Variants in FSTL5 observed in about 807,000 individuals in gnomAD.
The protein encoded by FSTL5 is follistatin-related protein 5.
A neutral mutation model predicts 89.1 loss-of-function variants in FSTL5; 62 were observed. That is an observed-to-expected ratio of 0.70 (90% confidence interval 0.57 to 0.86). FSTL5 has a LOEUF of 0.86. FSTL5 is among the 40% of genes least tolerant of loss of function. FSTL5 has a pLI of 0.00. For missense variants in FSTL5, 1,057 were observed against 1,001.6 expected, an observed-to-expected ratio of 1.06 and a Z score of -0.75; for synonymous variants, 383 against 346.2, an observed-to-expected ratio of 1.11 and a Z score of -1.18.
At chr4:162,128,998 C>A (rs1415797860) in intron 1 of FSTL5, among the ~76,000 whole-genome samples, 1 of 149,456 alleles carries the variant, frequency 6.7e-6, no homozygotes, top group African/African-American at 2.5e-5. Flanking sequence ...CTGGGCGGCT[C>A]GCTGCAACCT....
At chr4:162,007,782 A>G (rs1483671704) in intron 3 of FSTL5, among the ~76,000 whole-genome samples, 3 of 151,962 alleles carry the variant, frequency 2.0e-5, no homozygotes, top group Non-Finnish European at 2.9e-5. Context: ...CTAGCAAAAC[A>G]TAAAGAACAA....
At chr4:161,854,454 T>C (rs1731657441) in intron 4 of FSTL5, among the ~76,000 whole-genome samples, 1 of 152,154 alleles carries the variant, frequency 6.6e-6, no homozygotes, top group Non-Finnish European at 1.5e-5. Flanking sequence ...GTTTTGATGG[T>C]AAGCATTCAC....
intron 7 of FSTL5, among the ~76,000 whole-genome samples, chr4:161,641,553 G>A (rs144858162): frequency 7.7e-4 from 116 of 149,896 alleles, no homozygotes; most frequent in African/African-American, 2.6e-3. Flanking sequence ...GTGCAGTGGC[G>A]CGATCTCGGC....
chr4:161,644,674 A>AT, intron 7 of FSTL5, among the ~76,000 whole-genome samples: 1 of 152,268 alleles, frequency 6.6e-6, no homozygotes, highest in Non-Finnish European at 1.5e-5. Context: ...TAAAGAGTTT[A>AT]TTTTTTTCTC....
In FSTL5 at chr4:162,121,422, T is replaced by G. The variant is rs149573201; in HGVS notation, c.-16-10010A>C. On this transcript the variant is annotated intron_variant, in intron 1 of 15. Transcript: ENST00000306100. ...GCATTGTAATATATTCATGATTCAA[T>G]AGTGAAAAGGTGCATTACATATTGA... 4.9e-3 allele frequency among the ~76,000 whole-genome samples: 743 copies of G among 152,112 alleles called. 7 individuals carry two copies. Among genetic ancestry groups the G allele is most frequent in the African/African-American group, 0.017 (697 of 41,542 alleles).
chr4:161,708,524 C>T (rs1450565686), intron 6 of FSTL5, among the ~76,000 whole-genome samples: 10 of 151,894 alleles, frequency 6.6e-5, no homozygotes, highest in Non-Finnish European at 2.9e-5. Flanking sequence ...TTTGGATGTT[C>T]CCCTTAAAGC....
intron 10 of FSTL5, among the ~76,000 whole-genome samples, chr4:161,514,449 A>G (rs549961936): frequency 5.3e-5 from 8 of 152,256 alleles, no homozygotes; most frequent in Non-Finnish European, 8.8e-5. Flanking sequence ...AAAAGAAACA[A>G]TAGACATTAG....
At chr4:161,429,634 C>G (rs963293627) in intron 15 of FSTL5, among the ~76,000 whole-genome samples, 1 of 152,202 alleles carries the variant, frequency 6.6e-6, no homozygotes, top group African/African-American at 2.4e-5. Context: ...TCTGCAGGAG[C>G]CGCAGTGTTA....
intron 4 of FSTL5, among the ~76,000 whole-genome samples, chr4:161,884,433 G>T (rs1350196298): frequency 6.6e-6 from 1 of 152,042 alleles, no homozygotes; most frequent in South Asian, 2.1e-4. Flanking sequence ...AGTATTAAAA[G>T]GATAACAAAG....
chr4:161,435,992 C>T (rs866732323), intron 15 of FSTL5, among the ~76,000 whole-genome samples: 51 of 152,048 alleles, frequency 3.4e-4, no homozygotes, highest in African/African-American at 1.2e-3. Flanking sequence ...ATTTTCTCTA[C>T]CTATAAGTTT....
chr4:162,149,701 A>G (rs1215664477), intron 1 of FSTL5, among the ~76,000 whole-genome samples: 1 of 152,082 alleles, frequency 6.6e-6, no homozygotes, highest in Non-Finnish European at 1.5e-5. Flanking sequence ...ATTTGTCTAT[A>G]TATTTGTATC....
chr4:161,980,917 C>T (rs563845251), intron 3 of FSTL5, among the ~76,000 whole-genome samples: 23 of 151,638 alleles, frequency 1.5e-4, no homozygotes, highest in African/African-American at 5.3e-4. Flanking sequence ...GCTGGGGTCA[C>T]GCCCGGCTAA....
intron 4 of FSTL5, among the ~76,000 whole-genome samples, chr4:161,780,796 A>C (rs7665737): frequency 0.73 from 111,561 of 152,062 alleles, 40,984 homozygotes; most frequent in Non-Finnish European, 0.76. Flanking sequence ...AGTGCTAAAA[A>C]TTATAGATTA....
intron 1 of FSTL5, among the ~76,000 whole-genome samples, chr4:162,153,565 T>C (rs1263559769): frequency 1.4e-5 from 2 of 147,154 alleles, no homozygotes; most frequent in South Asian, 4.2e-4. Context: ...TTTATTGAAC[T>C]AATTTATTTC....
chr4:161,741,972 G>A (rs1176678717), intron 6 of FSTL5, among the ~76,000 whole-genome samples: 3 of 152,106 alleles, frequency 2.0e-5, no homozygotes, highest in Non-Finnish European at 4.4e-5. Flanking sequence ...AAATAAGAAG[G>A]AAGAATGTGT....
intron 13 of FSTL5, among the ~76,000 whole-genome samples, chr4:161,471,853 T>C (rs1300742383): frequency 6.6e-6 from 1 of 152,232 alleles, no homozygotes; most frequent in African/African-American, 2.4e-5. Flanking sequence ...TGGTACTCTC[T>C]TATAATCCTT....
At chr4:161,894,810 T>C (rs1733104014) in intron 4 of FSTL5, among the ~76,000 whole-genome samples, 1 of 152,224 alleles carries the variant, frequency 6.6e-6, no homozygotes, top group South Asian at 2.1e-4. Context: ...TTATGTTTGA[T>C]GCATATTTAT....
At chr4:161,603,132 AT>A (rs1026829441) in intron 7 of FSTL5, among the ~76,000 whole-genome samples, 10 of 152,168 alleles carry the variant, frequency 6.6e-5, no homozygotes, top group Admixed American at 5.2e-4. Flanking sequence ...ATGTCACTTC[AT>A]GTGGAACAGT....
chr4:162,146,695 CTT>C (rs879367756), intron 1 of FSTL5, among the ~76,000 whole-genome samples: 1,227 of 109,396 alleles, frequency 0.011, 14 homozygotes, highest in Non-Finnish European at 0.02. Flanking sequence ...CTTCCCTTCC[CTT>C]CCCTTCCCTT....
Sources: gnomAD v4.1 joint callset for allele counts (sites outside exome capture counted in the v4.1 genomes callset) on GRCh38, gnomAD v4.1.1 for gene constraint, MANE v1.5 for transcripts, NCBI Gene and HGNC (gene_info 2026-07-23, HGNC 2026-07-21) for gene names.